PACS2: variants seen among roughly 807,000 people sequenced by gnomAD.
PACS2 encodes phosphofurin acidic cluster sorting protein 2, also known as PACS1-like protein.
Under a neutral mutation model 113.0 loss-of-function variants are expected in PACS2, and 36 were observed. The ratio of observed to expected loss-of-function variants is 0.32; its 90% CI spans 0.24 to 0.42. PACS2 has a LOEUF of 0.42. Among genes scored for constraint, PACS2 ranks in the 10% least tolerant of loss-of-function variants. PACS2 has a pLI of 1.00. For missense variants in PACS2, 1,015 were observed against 1,239.5 expected (o/e 0.82, Z 2.72); for synonymous variants, 589 against 536.1 (o/e 1.10, Z -1.36).
chr14:105,337,509 C>T (rs1307178050), intron 1 of PACS2, among the ~76,000 whole-genome samples: 3 of 152,212 alleles, frequency 2.0e-5, no homozygotes, highest in East Asian at 1.9e-4. Context: ...AGGCTGTCAC[C>T]GTTTACCTTC....
chr14:105,376,420 G>A lies in PACS2; in HGVS notation c.802-348G>A, dbSNP rs1462070251. On this transcript the variant is annotated intron_variant, in intron 8 of 24. Transcript: ENST00000447393. This position sits in a 1 kb window ranked among gnomAD's most constrained non-coding sequence, Gnocchi z 4.7. The stretch of plus-strand genomic sequence containing the variant: ...AGGCAAAGGGGAGCCTCCTGGGTGT[G>A]GGGAGCACTTTCTGTCTTGGTTTTG... 5.9e-5 allele frequency among the ~76,000 whole-genome samples: 9 copies of A among 152,274 alleles called. No individual in the cohort carries two copies. Among genetic ancestry groups the A allele is most frequent in the African/African-American group, 2.2e-4 (9 of 41,542 alleles).
upstream of PACS2, among the ~76,000 whole-genome samples, chr14:105,311,098 G>A (rs1364365805): frequency 1.3e-5 from 2 of 151,960 alleles, no homozygotes; most frequent in Non-Finnish European, 2.9e-5. Context: ...GATTACAGGC[G>A]CGCACCATCA....
At chr14:105,307,594 C>G (rs1275253284) in intron 1 of PACS2, among the ~76,000 whole-genome samples, 1 of 152,182 alleles carries the variant, frequency 6.6e-6, no homozygotes, top group Non-Finnish European at 1.5e-5. Context: ...CTCCTGGGTA[C>G]TCAATAGCCC....
In PACS2 at chr14:105,357,860, T is replaced by G. The variant is rs776691422; in HGVS notation, c.423+2683T>G. On this transcript the variant is annotated intron_variant, in intron 4 of 24. Coordinates refer to ENST00000447393, the MANE Select transcript of PACS2 (RefSeq NM_001100913.3). The surrounding 1 kb of genome is among the most constrained non-coding windows in gnomAD (Gnocchi z 5.1). ...GTCGGTGAGGCTGGCGCCATGCATTTGAGAGTAGTGCTCGGCGGTGGGGAA... is the reference window on the plus strand; with the variant it reads ...GTCGGTGAGGCTGGCGCCATGCATTGGAGAGTAGTGCTCGGCGGTGGGGAA... 2.0e-5 allele frequency among the ~76,000 whole-genome samples: 3 copies of G among 151,812 alleles called. No homozygotes were observed. Among genetic ancestry groups the G allele is most frequent in the Non-Finnish European group, 4.4e-5 (3 of 67,950 alleles).
At chr14:105,384,841 G>A in intron 17 of PACS2, 38 bp from the exon 18 acceptor site, 1 of 1,343,148 alleles carries the variant, frequency 7.4e-7, no homozygotes, top group Non-Finnish European at 1.0e-6. Context: ...ACCCCACCTG[G>A]CACCAGCCTA....
In PACS2 at chr14:105,358,511, G is replaced by A. The variant is rs587638211; in HGVS notation, c.423+3334G>A. ...AGGGAGTGTGTAGGGGTGGGCGTTC[G>A]TGTGGCCAGACCACCCTGGGGCTGC... On this transcript the variant is annotated intron_variant, in intron 4 of 24. Transcript: ENST00000447393. The surrounding 1 kb of genome is among the most constrained non-coding windows in gnomAD (Gnocchi z 4.9). Among the ~76,000 whole-genome samples the A allele has an allele frequency of 2.0e-5, 3 of 152,286 alleles. No homozygotes were observed. The highest frequency in any genetic ancestry group is 1.9e-4 in the East Asian group (1 of 5,176).
At chr14:105,391,516 A>AGCCCCCCCC in intron 21 of PACS2, 115 bp from the exon 22 acceptor site, 1 of 453,622 alleles carries the variant, frequency 2.2e-6, no homozygotes, top group Non-Finnish European at 4.1e-6. Context: ...GGGGACTCCC[A>AGCCCCCCCC]CCCTGCCCAC....
At position 105,386,291 on chromosome 14, in the gene PACS2, A is replaced by G. The variant is rs181533148; in HGVS notation, c.2033+574A>G. Among the ~76,000 whole-genome samples the G allele has an allele frequency of 5.9e-5, 9 of 152,244 alleles. No homozygotes were observed. In the East Asian group the frequency reaches 1.7e-3, roughly 29 times the overall value. ...GAGCTGGCCTGGTGACACGGTGGTC[A>G]GCGGCTGTGCCTTGGGCCCCCTACA... On this transcript the variant is annotated intron_variant, in intron 19 of 24. Coordinates refer to ENST00000447393, the MANE Select transcript of PACS2 (RefSeq NM_001100913.3).
At position 105,323,333 on chromosome 14, in the gene PACS2, G is replaced by A. The variant is rs1440933688; in HGVS notation, c.119+8296G>A. Among the ~76,000 whole-genome samples, 2 of 152,244 alleles carry A rather than the reference G, an allele frequency of 1.3e-5. No individual in the cohort carries two copies. The highest frequency in any genetic ancestry group is 2.9e-5 in the Non-Finnish European group (2 of 68,046). ...CATAGATGCACTGGGTGGTGTCAGT[G>A]GGCGGCGGCTGGCTGGGGCAGTAGC... On this transcript the variant is annotated intron_variant, in intron 1 of 24. Transcript: ENST00000447393. The surrounding 1 kb of genome is among the most constrained non-coding windows in gnomAD (Gnocchi z 4.1).
chr14:105,344,190 T>C (rs1253892880), intron 1 of PACS2, among the ~76,000 whole-genome samples: 1 of 151,486 alleles, frequency 6.6e-6, no homozygotes, highest in Non-Finnish European at 1.5e-5. Flanking sequence ...GTGTTGGGAT[T>C]ACAGGCATGA....
intron 4 of PACS2, among the ~76,000 whole-genome samples, chr14:105,364,698 T>TTC: frequency 6.8e-6 from 1 of 146,926 alleles, no homozygotes; most frequent in African/African-American, 2.5e-5. Context: ...TTCTTTTCTT[T>TTC]TTTTTTTTTT....
At chr14:105,381,137 A>C (rs1555411926) in intron 12 of PACS2, 38 bp downstream of exon 12, 3 of 1,571,264 alleles carry the variant, frequency 1.9e-6, no homozygotes, top group East Asian at 2.3e-5. Flanking sequence ...GCGGTGATGC[A>C]CCTGTCGGGG....
intron 1 of PACS2, among the ~76,000 whole-genome samples, chr14:105,336,068 G>A (rs2059506436): frequency 6.6e-6 from 1 of 152,194 alleles, no homozygotes; most frequent in Non-Finnish European, 1.5e-5. Context: ...GCCAGCTGCC[G>A]CCACAGGCCC....
chr14:105,344,775 C>T (rs1327034892), intron 1 of PACS2, among the ~76,000 whole-genome samples: 1 of 151,872 alleles, frequency 6.6e-6, no homozygotes, highest in African/African-American at 2.4e-5. Flanking sequence ...AATTTCCTTC[C>T]TTTTGCTTAC....
At chr14:105,367,879 C>T (rs371123992) in intron 5 of PACS2, among the ~76,000 whole-genome samples, 195 bp from the exon 6 acceptor site, 33 of 152,370 alleles carry the variant, frequency 2.2e-4, no homozygotes, top group African/African-American at 7.2e-4. Flanking sequence ...CAACCCCGAC[C>T]TGGACCGTTG....
Position 105,376,659 on chromosome 14 carries a change from G to T in PACS2, c.802-109G>T. On this transcript the variant is annotated intron_variant, in intron 8 of 24. Transcript: ENST00000447393. The surrounding 1 kb of genome is among the most constrained non-coding windows in gnomAD (Gnocchi z 4.7). ...CCGTGCTGAGTGGAGGGGTTTGGTG[G>T]CTGGGTGCCCGCCTCCTATTGCTCC... 1 of 996,110 alleles carries T rather than the reference G, an allele frequency of 1.0e-6. No individual in the cohort carries two copies. The highest frequency in any genetic ancestry group is 1.5e-6 in the Non-Finnish European group (1 of 675,032). 61.7% of individuals were successfully genotyped at this position (996,110 alleles called of 1,614,324 possible).
chr14:105,315,157 C>T lies in PACS2; in HGVS notation c.119+120C>T. 1 of 506,896 alleles carries T rather than the reference C, an allele frequency of 2.0e-6. No homozygotes were observed. Among genetic ancestry groups the T allele is most frequent in the Non-Finnish European group, 2.6e-6 (1 of 384,686 alleles). 31.4% of individuals were successfully genotyped at this position (506,896 alleles called of 1,614,324 possible). On this transcript the variant is annotated intron_variant, in intron 1 of 24. Transcript: ENST00000447393. The surrounding 1 kb of genome is among the most constrained non-coding windows in gnomAD (Gnocchi z 4.4). ...CCAGCGGAGCCCAGGTCGCCCCCCG[C>T]GCCCCCGCCCGCCGGTTCGACGCGT... is the stretch of plus-strand genomic sequence containing the variant.
In PACS2 at chr14:105,392,816, C is replaced by T. The variant is rs782689380; in HGVS notation, c.2453C>T (p.Thr818Ile). ...EAAATPTMSMTVVTKEKNKKV... is the reference protein window; with the variant it reads ...EAAATPTMSMIVVTKEKNKKV... Reference sequence around the variant, plus strand: ...GCAGCCACGCCCACCATGTCCATGACCGTGGTCACCAAGGAGAAGAACAAG... The same window carrying T: ...GCAGCCACGCCCACCATGTCCATGATCGTGGTCACCAAGGAGAAGAACAAG... Residue 818 changes from threonine (T) to isoleucine (I), a missense_variant, in exon 23 of 25, where the codon ACC becomes ATC. By Grantham distance (89) the Thr-to-Ile change is moderately conservative. Around this residue, in one of 3 missense-constraint regions of PACS2, gnomAD observed 859 missense variants for 1,056.8 expected, o/e 0.81. Coordinates refer to ENST00000447393, the MANE Select transcript of PACS2 (RefSeq NM_001100913.3). 1.2e-6 allele frequency: 2 copies of T among 1,606,786 alleles called. No homozygotes were observed. The highest frequency in any genetic ancestry group is 1.7e-6 in the Non-Finnish European group (2 of 1,179,630).
chr14:105,380,181 C>T (rs199648821), intron 11 of PACS2, 27 bp downstream of exon 11: 36 of 1,534,900 alleles, frequency 2.3e-5, no homozygotes, highest in Non-Finnish European at 2.9e-5. Context: ...CGCACCCACC[C>T]GTTCCACACA....
Sources: allele counts gnomAD v4.1 joint callset (sites outside exome capture counted in the v4.1 genomes callset), GRCh38; gene constraint gnomAD v4.1.1; regional missense constraint gnomAD v4.1.1; non-coding constraint Gnocchi (gnomAD v3.1); transcripts MANE v1.5; gene names NCBI Gene and HGNC (gene_info 2026-07-23, HGNC 2026-07-21).